STK10: variants seen among roughly 807,000 people sequenced by gnomAD.
STK10 encodes serine/threonine-protein kinase 10.
A neutral mutation model predicts 113.8 loss-of-function variants in STK10; 78 were observed. The ratio of observed to expected loss-of-function variants is 0.69; its 90% CI spans 0.57 to 0.83. The LOEUF (loss-of-function observed/expected upper bound fraction) is 0.83, where lower values mean the gene tolerates loss of function less well. Among genes scored for constraint, STK10 ranks in the 40% least tolerant of loss-of-function variants. The pLI is 0.00. For missense variants in STK10, 1,109 were observed against 1,280.1 expected, an observed-to-expected ratio of 0.87 and a Z score of 2.04; for synonymous variants, 465 against 494.7, an observed-to-expected ratio of 0.94 and a Z score of 0.80.
At chr5:172,083,189 C>T in intron 10 of STK10, 105 bp from the exon 11 acceptor site, 1 of 1,501,222 alleles carries the variant, frequency 6.7e-7, no homozygotes. Flanking sequence ...AGCAAAATCA[C>T]ACAAGTCTGG....
intron 5 of STK10, 104 bp downstream of exon 5, chr5:172,107,676 T>TGTGCCCACAGGCTGACCGG (rs1769146411): frequency 3.1e-6 from 2 of 647,184 alleles, no homozygotes; most frequent in Non-Finnish European, 4.4e-6. Flanking sequence ...AGGCAGGGCG[T>TGTGCCCACAGGCTGACCGG]GTAGCCCTTG....
chr5:172,096,192 C>G (rs578006410), intron 8 of STK10, among the ~76,000 whole-genome samples: 2 of 152,336 alleles, frequency 1.3e-5, no homozygotes, highest in Non-Finnish European at 2.9e-5. Context: ...AAATCTAGAT[C>G]TCTGGTATCT....
In STK10 at chr5:172,083,101, TAC is replaced by T; in HGVS notation, c.1686-19_1686-18del. The stretch of plus-strand genomic sequence containing the variant: ...TCCTGGCGCCTGAAAGGTTAAAGGA[TAC>T]AGATATTTCACAGTAAGAAACTGGC... On this transcript the variant is annotated intron_variant, in intron 10 of 18. Transcript: ENST00000176763. 1 of 1,613,604 alleles carries T rather than the reference TAC, an allele frequency of 6.2e-7. No homozygotes were observed. Among genetic ancestry groups the T allele is most frequent in the Non-Finnish European group, 8.5e-7 (1 of 1,179,910 alleles).
chr5:172,122,154 C>A (rs1210441785), intron 3 of STK10, among the ~76,000 whole-genome samples: 1 of 152,144 alleles, frequency 6.6e-6, no homozygotes, highest in Non-Finnish European at 1.5e-5. Flanking sequence ...GTGTGACCAA[C>A]CATGCCCGGC....
chr5:172,166,892 T>C (rs1770581074), intron 1 of STK10, among the ~76,000 whole-genome samples: 1 of 152,138 alleles, frequency 6.6e-6, no homozygotes, highest in African/African-American at 2.4e-5. Flanking sequence ...CCAGGCACGG[T>C]GGCTCGTGCC....
In STK10 at chr5:172,172,341, C is replaced by T. The variant is rs1013806899; in HGVS notation, c.156+15546G>A. Reference sequence around the variant, plus strand: ...TATCATGGGGCCATGCCACCCTGGTCGCGTGGTGCCGCATCCAAAAGCATA... The same window carrying T: ...TATCATGGGGCCATGCCACCCTGGTTGCGTGGTGCCGCATCCAAAAGCATA... On this transcript the variant is annotated intron_variant, in intron 1 of 18. Coordinates refer to ENST00000176763, the MANE Select transcript of STK10 (RefSeq NM_005990.4). 2.0e-5 allele frequency among the ~76,000 whole-genome samples: 3 copies of T among 152,230 alleles called. 1 individual carries two copies. Among genetic ancestry groups the T allele is most frequent in the African/African-American group, 4.8e-5 (2 of 41,466 alleles).
chr5:172,126,553 G>C (rs937562742), intron 3 of STK10, among the ~76,000 whole-genome samples: 1 of 152,086 alleles, frequency 6.6e-6, no homozygotes, highest in Non-Finnish European at 1.5e-5. Flanking sequence ...AACAGAGTGA[G>C]ACTCCATCTC....
In STK10 at chr5:172,074,517, T is replaced by C. The variant is rs376714142; in HGVS notation, c.1989+7809A>G. ...GCAATAATTATTATTATAGCAGTAA[T>C]AATAATAGTGAACCTAACCCACACC... On this transcript the variant is annotated intron_variant, in intron 12 of 18. Coordinates refer to ENST00000176763, the MANE Select transcript of STK10 (RefSeq NM_005990.4). Among the ~76,000 whole-genome samples the C allele has an allele frequency of 3.2e-4, 48 of 151,010 alleles. No homozygotes were observed. The South Asian group carries it at 1.0e-2, about 31-fold the overall frequency.
intron 12 of STK10, among the ~76,000 whole-genome samples, chr5:172,070,790 A>T (rs915141717): frequency 9.9e-5 from 15 of 152,174 alleles, no homozygotes; most frequent in African/African-American, 3.1e-4. Context: ...AATATGAGGG[A>T]TGAAAGAAAG....
At chr5:172,180,670 G>A (rs997947146) in intron 1 of STK10, among the ~76,000 whole-genome samples, 8 of 151,706 alleles carry the variant, frequency 5.3e-5, no homozygotes, top group South Asian at 4.2e-4. Context: ...TTAGCCGGGC[G>A]TGGTGGCGCA....
chr5:172,078,049 C>CTA (rs1768351695), intron 12 of STK10, among the ~76,000 whole-genome samples: 1 of 152,218 alleles, frequency 6.6e-6, no homozygotes, highest in African/African-American at 2.4e-5. Flanking sequence ...ATCCTGACCA[C>CTA]TATGTCAAGG....
chr5:172,044,799 G>A lies in STK10; in HGVS notation c.*83C>T. 1.9e-6 allele frequency: 3 copies of A among 1,605,320 alleles called. No homozygotes were observed. The highest frequency in any genetic ancestry group is 2.6e-6 in the Non-Finnish European group (3 of 1,175,670). ...CTGGCACAGACGCAAGAGGGAAAAG[G>A]GGTCCTGAGTTACATGTTCACAGAG... On this transcript the variant is annotated 3_prime_UTR_variant, in exon 19 of 19. Coordinates refer to ENST00000176763, the MANE Select transcript of STK10 (RefSeq NM_005990.4). The surrounding 1 kb of genome is among the most constrained non-coding windows in gnomAD (Gnocchi z 4.5).
intron 13 of STK10, chr5:172,064,394 G>A (rs565920911): frequency 5.8e-6 from 2 of 344,422 alleles, no homozygotes; most frequent in Non-Finnish European, 1.1e-5. Context: ...GTGGGCAGGG[G>A]AATATACTGG....
chr5:172,121,185 C>T (rs556962662), intron 3 of STK10, among the ~76,000 whole-genome samples: 5 of 151,944 alleles, frequency 3.3e-5, no homozygotes, highest in Non-Finnish European at 4.4e-5. Flanking sequence ...TGTGCCACGA[C>T]GCCCGGCTAA....
At chr5:172,107,753 T>C (rs376181012) in intron 5 of STK10, 27 bp downstream of exon 5, 3 of 1,612,022 alleles carry the variant, frequency 1.9e-6, no homozygotes, top group Non-Finnish European at 2.5e-6. Context: ...TCCAGTCCAT[T>C]CCATTTCCAG....
At chr5:172,184,063 C>T (rs1213571898) in intron 1 of STK10, among the ~76,000 whole-genome samples, 1 of 152,196 alleles carries the variant, frequency 6.6e-6, no homozygotes, top group East Asian at 1.9e-4. Context: ...GCCTTCGACA[C>T]TTAGGCTGTC....
At chr5:172,156,488 T>G in intron 2 of STK10, 136 bp downstream of exon 2, 1 of 1,164,302 alleles carries the variant, frequency 8.6e-7, no homozygotes, top group East Asian at 2.6e-5. Flanking sequence ...AGGAGCTCCC[T>G]ACTTCACCAT....
At chr5:172,091,285 G>A (rs1768698550) in intron 9 of STK10, among the ~76,000 whole-genome samples, 1 of 152,166 alleles carries the variant, frequency 6.6e-6, no homozygotes, top group Non-Finnish European at 1.5e-5. Context: ...GGTAGCCAAA[G>A]CTGACCTGGC....
intron 1 of STK10, among the ~76,000 whole-genome samples, chr5:172,177,190 A>G (rs1292422127): frequency 1.3e-5 from 2 of 150,430 alleles, no homozygotes; most frequent in Admixed American, 6.6e-5. Context: ...AAAAGAAAAG[A>G]CCCTAGAAGG....
Sources: gnomAD v4.1 joint callset for allele counts (sites outside exome capture counted in the v4.1 genomes callset) on GRCh38, gnomAD v4.1.1 for gene constraint, Gnocchi (gnomAD v3.1) non-coding constraint, MANE v1.5 for transcripts, NCBI Gene and HGNC (gene_info 2026-07-23, HGNC 2026-07-21) for gene names.